Variants in PGM3 observed in about 807,000 individuals in gnomAD.
The protein encoded by PGM3 is phosphoglucomutase 3, also known as phosphoacetylglucosamine mutase.
In PGM3, 40 loss-of-function variants were observed where a neutral mutation model predicts 66.2. The observed-to-expected ratio is 0.60, with a 90% CI of 0.47 to 0.79. PGM3 has a LOEUF of 0.79. PGM3 is among the 30% of genes least tolerant of loss of function. The probability of loss-of-function intolerance (pLI) is 0.00; values close to 1 mark genes in which losing one functional copy is unlikely to be tolerated. For synonymous variants in PGM3, 191 were observed against 224.2 expected (o/e 0.85, Z 1.32); for missense variants, 537 against 643.4 (o/e 0.83, Z 1.79).
rs1308435761 is a variant in PGM3 at position 83,182,825 on chromosome 6, A to G, written c.591+20T>C. On this transcript the variant is annotated intron_variant, in intron 5 of 12. Transcript: ENST00000513973. ...TTTATTCATTTGTTTAACTTTAACC[A>G]TGTTCAATAAACTTTTCACCTGTTT... 1.2e-6 allele frequency: 2 copies of G among 1,609,130 alleles called. No individual in the cohort carries two copies. The highest frequency in any genetic ancestry group is 2.7e-5 in the African/African-American group (2 of 74,830).
chr6:83,192,553 C>T (rs1789211408), intron 1 of PGM3, among the ~76,000 whole-genome samples: 1 of 152,130 alleles, frequency 6.6e-6, no homozygotes, highest in South Asian at 2.1e-4. Flanking sequence ...TTGGAAAAAG[C>T]TGGCATTCAG....
intron 10 of PGM3, among the ~76,000 whole-genome samples, chr6:83,172,410 C>T (rs538309685): frequency 6.6e-6 from 1 of 152,234 alleles, no homozygotes; most frequent in Non-Finnish European, 1.5e-5. Flanking sequence ...AAGACCTTGT[C>T]TCTTAATAAA....
Position 83,171,943 on chromosome 6 carries a change from TTTAAG to T in PGM3, c.1354_1358del (p.Leu452SerfsTer10), listed in dbSNP as rs587777414. On this transcript the variant is annotated frameshift_variant, in exon 11 of 13. Transcript: ENST00000513973. LOFTEE classifies it high-confidence loss of function. The stretch of plus-strand genomic sequence containing the variant: ...TTTAAAGTTTCTCTCACACCTGAAC[TTTAAG>T]TTGTCTGTTTGGAAGATCTGTATAG... The T allele has an allele frequency of 2.7e-5, 43 of 1,612,874 alleles. No individual in the cohort carries two copies. Among genetic ancestry groups the T allele is most frequent in the Non-Finnish European group, 3.3e-5 (39 of 1,179,220 alleles).
At chr6:83,182,166 C>T (rs1348897462) in intron 5 of PGM3, among the ~76,000 whole-genome samples, 1 of 152,154 alleles carries the variant, frequency 6.6e-6, no homozygotes, top group African/African-American at 2.4e-5. Context: ...CAACTTATAG[C>T]ATAGAGCTTT....
At chr6:83,150,293 G>A in the PGM3 span, among the ~76,000 whole-genome samples, 160 of 152,160 alleles carry the variant, frequency 1.1e-3, no homozygotes, top group Non-Finnish European at 1.9e-3. Context: ...TTCAGAGAGG[G>A]AATGTATGTA....
Position 83,167,924 on chromosome 6 carries a change from C to T in PGM3, c.*1310G>A, listed in dbSNP as rs764594792. 1 of 1,613,862 alleles carries T rather than the reference C, an allele frequency of 6.2e-7. No individual in the cohort carries two copies. The highest frequency in any genetic ancestry group is 8.5e-7 in the Non-Finnish European group (1 of 1,179,910). On this transcript the variant is annotated 3_prime_UTR_variant, in exon 13 of 13. Transcript: ENST00000513973. Reference sequence around the variant, plus strand: ...GTTGGGAGCCAGGGCACTTGCTGCTCACCATCTGCACCGTGCGCAGTATGG... The same window carrying T: ...GTTGGGAGCCAGGGCACTTGCTGCTTACCATCTGCACCGTGCGCAGTATGG...
chr6:83,192,908 C>T (rs1789253459), intron 1 of PGM3, among the ~76,000 whole-genome samples: 1 of 152,172 alleles, frequency 6.6e-6, no homozygotes, highest in Admixed American at 6.5e-5. Flanking sequence ...CGAATCACCG[C>T]ACAAGGGTGA....
intron 1 of PGM3, 124 bp from the exon 2 acceptor site, chr6:83,191,138 G>T: frequency 6.8e-7 from 1 of 1,477,780 alleles, no homozygotes; most frequent in Non-Finnish European, 9.2e-7. Context: ...AGAACCCTAT[G>T]TTTGACAGAG....
At chr6:83,158,241 T>C (rs1583172243), downstream of PGM3, among the ~76,000 whole-genome samples, 2 of 152,140 alleles carry the variant, frequency 1.3e-5, no homozygotes, top group Non-Finnish European at 2.9e-5. Context: ...GACCTTGTGA[T>C]CTGCCCACCT....
At chr6:83,164,803 AG>A (rs1785067028), downstream of PGM3, 2 of 1,080,262 alleles carry the variant, frequency 1.9e-6, no homozygotes, top group African/African-American at 1.6e-5. Context: ...AATGTCAACA[AG>A]TACAAGGGAG....
Position 83,165,749 on chromosome 6 carries a change from C to A in PGM3, c.*3485G>T. On this transcript the variant is annotated 3_prime_UTR_variant, in exon 13 of 13. Transcript: ENST00000513973. ...GCAAAACTTCATAGCCCAATTAGTT[C>A]AATTTTCGAAGCGTTGGTTGTGCAA... 1 of 238,976 alleles carries A rather than the reference C, an allele frequency of 4.2e-6. No homozygotes were observed. Among genetic ancestry groups the A allele is most frequent in the South Asian group, 5.2e-5 (1 of 19,158 alleles). The allele number at this position is 238,976 out of a possible 1,614,324, so 14.8% of individuals were successfully genotyped here. A position where few individuals can be genotyped will look rare whatever the true frequency, so the allele number is the denominator to read the frequency against.
chr6:83,179,760 A>G, intron 7 of PGM3, 50 bp downstream of exon 7: 1 of 1,398,096 alleles, frequency 7.2e-7, no homozygotes, highest in South Asian at 1.4e-5. Flanking sequence ...ATATGGAACT[A>G]TTTCACTACT....
downstream of PGM3, chr6:83,162,962 T>C (rs200827301): frequency 4.7e-4 from 743 of 1,577,644 alleles, no homozygotes; most frequent in Non-Finnish European, 5.8e-4. Context: ...CATCACTACA[T>C]GTTGCATTAG....
the PGM3 span, among the ~76,000 whole-genome samples, chr6:83,154,626 C>T: frequency 6.6e-6 from 1 of 152,074 alleles, no homozygotes. Context: ...GTGCAAAAGG[C>T]AGGCAGTCGA....
the PGM3 span, among the ~76,000 whole-genome samples, chr6:83,150,727 AT>A: frequency 6.6e-6 from 1 of 152,122 alleles, no homozygotes; most frequent in Non-Finnish European, 1.5e-5. Context: ...GAAAATGGAA[AT>A]TTTTTTCTTC....
In PGM3 at chr6:83,168,513, T is replaced by G. The variant is rs1352553574; in HGVS notation, c.*721A>C. On this transcript the variant is annotated 3_prime_UTR_variant, in exon 13 of 13. Coordinates refer to ENST00000513973, the MANE Select transcript of PGM3 (RefSeq NM_015599.3). ...GGTTCAATTAAGATTGGTTGGGGAT[T>G]TTTCTCTTTTCCTTATTAACCATGT... 2.0e-6 allele frequency: 2 copies of G among 1,011,454 alleles called. No homozygotes were observed. The highest frequency in any genetic ancestry group is 2.4e-6 in the Non-Finnish European group (2 of 846,850). 62.7% of individuals were successfully genotyped at this position (1,011,454 alleles called of 1,614,324 possible). A position where few individuals can be genotyped will look rare whatever the true frequency, so the allele number is the denominator to read the frequency against.
intron 1 of PGM3, among the ~76,000 whole-genome samples, chr6:83,192,191 G>A (rs192756281): frequency 4.4e-4 from 67 of 151,810 alleles, no homozygotes; most frequent in African/African-American, 1.5e-3. Flanking sequence ...GCTTGAACCC[G>A]CGGGTGGAGG....
chr6:83,174,333 T>C (rs1554257438), intron 10 of PGM3, 41 bp downstream of exon 10: 2 of 1,033,398 alleles, frequency 1.9e-6, no homozygotes, highest in Non-Finnish European at 3.0e-6. Context: ...TTCTGAATAA[T>C]GTAAAGGTAA....
chr6:83,159,991 T>C (rs1334906828), downstream of PGM3: 1 of 1,607,368 alleles, frequency 6.2e-7, no homozygotes, highest in Admixed American at 1.7e-5. Flanking sequence ...TAAATGGTTA[T>C]TTTTGAAAGT....
Sources: allele counts gnomAD v4.1 joint callset (sites outside exome capture counted in the v4.1 genomes callset), GRCh38; gene constraint gnomAD v4.1.1; transcripts MANE v1.5; gene names NCBI Gene and HGNC (gene_info 2026-07-23, HGNC 2026-07-21).